Variants in EXOC4 observed in about 807,000 individuals in gnomAD.
EXOC4 encodes SEC8-like 1.
Under a neutral mutation model 107.2 loss-of-function variants are expected in EXOC4, and 71 were observed. That is an observed-to-expected ratio of 0.66 (90% confidence interval 0.55 to 0.81). The LOEUF (loss-of-function observed/expected upper bound fraction) is 0.81, where lower values mean the gene tolerates loss of function less well. Among genes scored for constraint, EXOC4 ranks in the 30% least tolerant of loss-of-function variants. The pLI is 0.00. For missense variants in EXOC4, 1,108 were observed against 1,189.6 expected, an observed-to-expected ratio of 0.93 and a Z score of 1.01; for synonymous variants, 456 against 441.2, an observed-to-expected ratio of 1.03 and a Z score of -0.42.
At chr7:133,830,982 T>C (rs943235069) in intron 11 of EXOC4, among the ~76,000 whole-genome samples, 2 of 147,482 alleles carry the variant, frequency 1.4e-5, no homozygotes, top group Non-Finnish European at 2.9e-5. Flanking sequence ...TTGTTTGTTT[T>C]GAGACAGAGT....
the EXOC4 span, among the ~76,000 whole-genome samples, chr7:134,091,043 T>C: frequency 6.6e-6 from 1 of 151,756 alleles, no homozygotes; most frequent in African/African-American, 2.4e-5. Context: ...GATTAGGGGG[T>C]CTCTTCAGTA....
intron 9 of EXOC4, among the ~76,000 whole-genome samples, chr7:133,528,228 G>A (rs145997887): frequency 6.6e-6 from 1 of 152,278 alleles, no homozygotes; most frequent in African/African-American, 2.4e-5. Context: ...ACAGTTGAAA[G>A]AAGCTGTATA....
chr7:133,590,553 A>G (rs982522360), intron 9 of EXOC4, among the ~76,000 whole-genome samples: 1 of 152,132 alleles, frequency 6.6e-6, no homozygotes, highest in Admixed American at 6.5e-5. Flanking sequence ...CTCCACTGGC[A>G]GAGGAGCAGG....
intron 10 of EXOC4, among the ~76,000 whole-genome samples, chr7:133,812,658 T>A (rs772371582): frequency 5.2e-4 from 79 of 152,248 alleles, no homozygotes; most frequent in Non-Finnish European, 9.8e-4. Flanking sequence ...TCATTTATGA[T>A]ATACATGTTT....
intron 14 of EXOC4, among the ~76,000 whole-genome samples, chr7:133,962,095 C>T (rs1800959251): frequency 6.6e-6 from 1 of 152,128 alleles, no homozygotes; most frequent in Admixed American, 6.5e-5. Context: ...ATGAGAAAAC[C>T]GAGCCAGGAT....
chr7:134,030,395 C>A (rs184653057), intron 17 of EXOC4, among the ~76,000 whole-genome samples: 1 of 152,252 alleles, frequency 6.6e-6, no homozygotes, highest in Admixed American at 6.5e-5. Flanking sequence ...TATTATGTGG[C>A]CATAGTGGAC....
the EXOC4 span, among the ~76,000 whole-genome samples, chr7:134,094,194 G>T: frequency 6.6e-6 from 1 of 152,016 alleles, no homozygotes; most frequent in African/African-American, 2.4e-5. Flanking sequence ...ACGAAGAAAA[G>T]ATCCAAATAA....
At chr7:133,380,761 G>A (rs895005466) in intron 7 of EXOC4, among the ~76,000 whole-genome samples, 24 of 152,202 alleles carry the variant, frequency 1.6e-4, no homozygotes, top group African/African-American at 5.5e-4. Flanking sequence ...TGGCAGTGCT[G>A]TTGCTGTTCC....
intron 10 of EXOC4, among the ~76,000 whole-genome samples, chr7:133,709,028 A>T (rs977259439): frequency 1.3e-5 from 2 of 152,150 alleles, no homozygotes; most frequent in Non-Finnish European, 2.9e-5. Context: ...AGGCTTGGTT[A>T]TGTCTTCAAA....
At chr7:133,765,066 T>C (rs149818638) in intron 10 of EXOC4, among the ~76,000 whole-genome samples, 4 of 152,202 alleles carry the variant, frequency 2.6e-5, no homozygotes, top group East Asian at 1.9e-4. Context: ...AAGTCCTACA[T>C]AGAGGTAGAT....
At chr7:133,794,243 G>A (rs1481016034) in intron 10 of EXOC4, among the ~76,000 whole-genome samples, 1 of 152,112 alleles carries the variant, frequency 6.6e-6, no homozygotes, top group African/African-American at 2.4e-5. Flanking sequence ...ATAACTCTTT[G>A]AAGATACTTT....
intron 2 of EXOC4, among the ~76,000 whole-genome samples, chr7:133,281,606 C>T (rs1212908836): frequency 6.6e-6 from 1 of 151,838 alleles, no homozygotes; most frequent in Non-Finnish European, 1.5e-5. Flanking sequence ...GAGTTGTTTG[C>T]ACATTGTTGT....
At chr7:133,771,870 G>T (rs1436505353) in intron 10 of EXOC4, among the ~76,000 whole-genome samples, 1 of 151,888 alleles carries the variant, frequency 6.6e-6, no homozygotes, top group South Asian at 2.1e-4. Context: ...ATTGAAATCA[G>T]TTGATTAATA....
At chr7:133,609,147 C>G (rs771023350) in intron 9 of EXOC4, among the ~76,000 whole-genome samples, 4 of 152,090 alleles carry the variant, frequency 2.6e-5, no homozygotes, top group Non-Finnish European at 4.4e-5. Context: ...ATTGGGATAT[C>G]TGAGTGTGGG....
chr7:133,427,096 C>T (rs543269762), intron 7 of EXOC4, among the ~76,000 whole-genome samples: 8 of 151,862 alleles, frequency 5.3e-5, no homozygotes, highest in East Asian at 1.9e-4. Context: ...AAAGGTGATT[C>T]GATGAGTTGT....
At chr7:133,459,958 A>G (rs1798551939) in intron 7 of EXOC4, among the ~76,000 whole-genome samples, 1 of 152,226 alleles carries the variant, frequency 6.6e-6, no homozygotes. Context: ...ATTTGGGAAA[A>G]AAGAAATAGG....
downstream of EXOC4, among the ~76,000 whole-genome samples, chr7:134,067,261 G>A (rs1376406826): frequency 1.7e-4 from 26 of 152,096 alleles, no homozygotes; most frequent in East Asian, 4.1e-3. Flanking sequence ...AAATGGGAGG[G>A]ATGTGTGGAC....
intron 10 of EXOC4, among the ~76,000 whole-genome samples, chr7:133,668,167 G>A (rs1469039387): frequency 1.3e-5 from 2 of 152,188 alleles, no homozygotes; most frequent in Non-Finnish European, 2.9e-5. Flanking sequence ...CAAAGGAAGT[G>A]CAATGAATAT....
chr7:133,575,165 G>A (rs1801102400), intron 9 of EXOC4, among the ~76,000 whole-genome samples: 1 of 151,954 alleles, frequency 6.6e-6, no homozygotes, highest in Non-Finnish European at 1.5e-5. Context: ...GTTACCCCTT[G>A]TGGCTTCCTA....
Sources: allele counts gnomAD v4.1 joint callset (sites outside exome capture counted in the v4.1 genomes callset), GRCh38; gene constraint gnomAD v4.1.1; transcripts MANE v1.5; gene names NCBI Gene and HGNC (gene_info 2026-07-23, HGNC 2026-07-21).